SLC4A10: variants seen among roughly 807,000 people sequenced by gnomAD.
SLC4A10 encodes solute carrier family 4 member 10, also known as sodium-driven chloride bicarbonate exchanger.
In SLC4A10, 42 loss-of-function variants were observed where a neutral mutation model predicts 137.7. The observed-to-expected ratio is 0.30, with a 90% CI of 0.24 to 0.39. The LOEUF is 0.39. Among genes scored for constraint, SLC4A10 ranks in the 10% least tolerant of loss-of-function variants. The pLI, the probability that SLC4A10 is intolerant of heterozygous loss-of-function variation, is 1.00. For synonymous variants in SLC4A10, 474 were observed against 464.1 expected (o/e 1.02, Z -0.27); for missense variants, 925 against 1,355.0 (o/e 0.68, Z 4.98).
At chr2:161,808,808 A>C (rs1352049639) in intron 3 of SLC4A10, among the ~76,000 whole-genome samples, 1 of 152,084 alleles carries the variant, frequency 6.6e-6, no homozygotes, top group Non-Finnish European at 1.5e-5. Context: ...TTCTTCATCC[A>C]CTTTACCATA....
At chr2:161,832,646 C>G (rs535832729) in intron 3 of SLC4A10, among the ~76,000 whole-genome samples, 67 of 152,278 alleles carry the variant, frequency 4.4e-4, no homozygotes, top group African/African-American at 1.6e-3. Flanking sequence ...TCAGGTTCAC[C>G]TATTGTAACA....
intron 24 of SLC4A10, 138 bp downstream of exon 24, chr2:161,974,454 A>T (rs546666925): frequency 1.6e-6 from 1 of 613,990 alleles, no homozygotes; most frequent in South Asian, 4.0e-5. Flanking sequence ...GAGTTAGATA[A>T]CATGGGTCCT....
chr2:161,956,524 CTG>C (rs59154421), intron 19 of SLC4A10, among the ~76,000 whole-genome samples: 49,861 of 151,898 alleles, frequency 0.33, 8,422 homozygotes, highest in East Asian at 0.59. Flanking sequence ...AGCACCCTGT[CTG>C]TGCAAGAGGG....
chr2:161,961,798 T>G (rs1464956613), intron 21 of SLC4A10, among the ~76,000 whole-genome samples: 1 of 152,134 alleles, frequency 6.6e-6, no homozygotes, highest in Non-Finnish European at 1.5e-5. Context: ...ATCTTTTAAA[T>G]GAAAATTGAA....
intron 1 of SLC4A10, among the ~76,000 whole-genome samples, chr2:161,764,249 C>T (rs1171368782): frequency 6.6e-6 from 1 of 151,834 alleles, no homozygotes; most frequent in African/African-American, 2.4e-5. Context: ...AAAAGCAAGA[C>T]ACAAGAAAGT....
intron 26 of SLC4A10, among the ~76,000 whole-genome samples, chr2:161,978,710 G>A (rs182779822): frequency 4.4e-4 from 67 of 152,192 alleles, no homozygotes; most frequent in African/African-American, 1.6e-3. Flanking sequence ...CTCTCTCTCT[G>A]TGTGTCTCTC....
chr2:161,942,016 A>G (rs1692793095), intron 15 of SLC4A10, among the ~76,000 whole-genome samples: 2 of 152,180 alleles, frequency 1.3e-5, no homozygotes, highest in Admixed American at 1.3e-4. Flanking sequence ...AAACAGAGTA[A>G]GTTCCTGATG....
chr2:161,768,189 C>T (rs1358877848), intron 1 of SLC4A10, among the ~76,000 whole-genome samples: 1 of 152,050 alleles, frequency 6.6e-6, no homozygotes, highest in Admixed American at 6.6e-5. Context: ...CATTCTTGAA[C>T]TGAGGAAATA....
intron 1 of SLC4A10, among the ~76,000 whole-genome samples, chr2:161,749,205 G>C (rs2048697085): frequency 6.6e-6 from 1 of 151,808 alleles, no homozygotes; most frequent in Non-Finnish European, 1.5e-5. Context: ...TTTACATATA[G>C]AATTATGTCA....
At chr2:161,634,430 G>A (rs2034087797) in intron 1 of SLC4A10, among the ~76,000 whole-genome samples, 1 of 151,654 alleles carries the variant, frequency 6.6e-6, no homozygotes, top group Non-Finnish European at 1.5e-5. Flanking sequence ...ATATATTTGG[G>A]GAGATACTTT....
chr2:161,731,705 T>C (rs191047492), intron 1 of SLC4A10, among the ~76,000 whole-genome samples: 14 of 152,262 alleles, frequency 9.2e-5, no homozygotes, highest in Non-Finnish European at 1.9e-4. Context: ...AGTCCTATAA[T>C]TTGTTTCTTT....
intron 1 of SLC4A10, among the ~76,000 whole-genome samples, chr2:161,635,388 C>G (rs1455424275): frequency 2.6e-5 from 4 of 152,118 alleles, no homozygotes. Flanking sequence ...CACTCTTATA[C>G]TAAGCAGATG....
At chr2:161,912,698 C>T (rs1686142504) in intron 15 of SLC4A10, among the ~76,000 whole-genome samples, 1 of 152,092 alleles carries the variant, frequency 6.6e-6, no homozygotes, top group Non-Finnish European at 1.5e-5. Context: ...TCAGTCAACA[C>T]TGATGCTTTG....
chr2:161,910,344 A>C (rs1379142269), intron 15 of SLC4A10, among the ~76,000 whole-genome samples: 1 of 152,094 alleles, frequency 6.6e-6, no homozygotes, highest in Non-Finnish European at 1.5e-5. Context: ...AAGATCATCT[A>C]TTTAGTTTTG....
chr2:161,627,825 T>A (rs1209900370), intron 1 of SLC4A10, among the ~76,000 whole-genome samples: 1 of 152,102 alleles, frequency 6.6e-6, no homozygotes, highest in African/African-American at 2.4e-5. Context: ...AGATGTGTTC[T>A]CTTAAGTGCC....
chr2:161,725,680 A>G (rs563939200), intron 1 of SLC4A10, among the ~76,000 whole-genome samples: 1 of 152,330 alleles, frequency 6.6e-6, no homozygotes, highest in South Asian at 2.1e-4. Context: ...TGAGATGTCT[A>G]AAGAAAAAAC....
chr2:161,928,703 A>G, intron 15 of SLC4A10, among the ~76,000 whole-genome samples: 1 of 151,132 alleles, frequency 6.6e-6, no homozygotes, highest in East Asian at 1.9e-4. Flanking sequence ...CCTGGATTCA[A>G]GTTTATTTCT....
rs534240452 is a variant in SLC4A10 at position 161,923,103 on chromosome 2, C to T, written c.1997+17216C>T. 9.8e-4 allele frequency among the ~76,000 whole-genome samples: 150 copies of T among 152,310 alleles called. No individual in the cohort carries two copies. The Middle Eastern group carries it at 0.02, about 21-fold the overall frequency. On this transcript the variant is annotated intron_variant, in intron 15 of 26. Coordinates refer to ENST00000446997, the MANE Select transcript of SLC4A10 (RefSeq NM_001178015.2). ...TTGTGTAAGGAAGACAGATCACCTC[C>T]ATTAGCCTTGAAACAAAAGCAAAGA...
chr2:161,661,618 G>C (rs1461616115), intron 1 of SLC4A10, among the ~76,000 whole-genome samples: 4 of 152,200 alleles, frequency 2.6e-5, no homozygotes, highest in Non-Finnish European at 4.4e-5. Flanking sequence ...GAATTTTACT[G>C]TATGAGATTT....
Sources: allele counts gnomAD v4.1 joint callset (sites outside exome capture counted in the v4.1 genomes callset), GRCh38; gene constraint gnomAD v4.1.1; transcripts MANE v1.5; gene names NCBI Gene and HGNC (gene_info 2026-07-23, HGNC 2026-07-21).